The following KCNIP4 variants were observed in gnomAD, a reference collection of about 807,000 sequenced individuals.
The protein encoded by KCNIP4 is potassium voltage-gated channel interacting protein 4.
In KCNIP4, 12 loss-of-function variants were observed where a neutral mutation model predicts 34.0. The ratio of observed to expected loss-of-function variants is 0.35; its 90% CI spans 0.23 to 0.57. KCNIP4 has a LOEUF of 0.57. Ranked by LOEUF, KCNIP4 falls within the 20% of genes least tolerant of loss-of-function variation. The probability of loss-of-function intolerance (pLI) is 0.83; values close to 1 mark genes in which losing one functional copy is unlikely to be tolerated. For missense variants in KCNIP4, 238 were observed against 311.7 expected (o/e 0.76, Z 1.78); for synonymous variants, 124 against 102.2 (o/e 1.21, Z -1.29).
chr4:21,158,983 A>C (rs1753374063), intron 1 of KCNIP4, among the ~76,000 whole-genome samples: 2 of 152,176 alleles, frequency 1.3e-5, no homozygotes, highest in African/African-American at 4.8e-5. Context: ...TATTATTTAT[A>C]ATAGCTTCAT....
chr4:20,731,920 C>T lies in KCNIP4; in HGVS notation c.705+86G>A, dbSNP rs553067640. 2.1e-4 allele frequency: 330 copies of T among 1,561,984 alleles called. 1 individual carries two copies. The highest frequency in any genetic ancestry group is 4.5e-4 in the Middle Eastern group (2 of 4,408). ...ACTTAGGCATATGATCTCTATATTT[C>T]GCCCAGTTCATGGTAGCTAGCTGCT... On this transcript the variant is annotated intron_variant, in intron 8 of 8. Coordinates refer to ENST00000382152, the MANE Select transcript of KCNIP4 (RefSeq NM_025221.6).
At chr4:21,049,417 G>A (rs975137593) in intron 1 of KCNIP4, among the ~76,000 whole-genome samples, 4 of 152,072 alleles carry the variant, frequency 2.6e-5, no homozygotes, top group Non-Finnish European at 4.4e-5. Flanking sequence ...ATAGATAATT[G>A]GACTAATATT....
At chr4:21,705,256 G>T (rs138514096) in intron 1 of KCNIP4, among the ~76,000 whole-genome samples, 1,850 of 152,180 alleles carry the variant, frequency 0.012, 47 homozygotes, top group African/African-American at 0.042. Context: ...GTGCAACACG[G>T]CAGATCCTTG....
intron 1 of KCNIP4, among the ~76,000 whole-genome samples, chr4:21,015,592 A>G (rs1349774192): frequency 7.7e-6 from 1 of 129,388 alleles, no homozygotes; most frequent in Non-Finnish European, 1.5e-5. Context: ...AATATAATAT[A>G]GTATATTGTA....
intron 1 of KCNIP4, among the ~76,000 whole-genome samples, chr4:21,413,374 A>G (rs1450782704): frequency 6.6e-6 from 1 of 152,162 alleles, no homozygotes; most frequent in Non-Finnish European, 1.5e-5. Flanking sequence ...GTTTTTAGCT[A>G]CATGAACCAA....
intron 1 of KCNIP4, among the ~76,000 whole-genome samples, chr4:21,341,222 C>G (rs1016241784): frequency 6.6e-6 from 1 of 152,092 alleles, no homozygotes; most frequent in African/African-American, 2.4e-5. Context: ...CCTGCAGACA[C>G]CTTTCTTTAA....
At chr4:21,945,319 G>A (rs543982070) in intron 1 of KCNIP4, among the ~76,000 whole-genome samples, 2 of 152,148 alleles carry the variant, frequency 1.3e-5, no homozygotes, top group African/African-American at 2.4e-5. Context: ...CCTGGGGAGA[G>A]AGGGTGGCTG....
intron 1 of KCNIP4, among the ~76,000 whole-genome samples, chr4:21,209,802 C>T (rs749523863): frequency 1.8e-4 from 27 of 152,090 alleles, no homozygotes; most frequent in Non-Finnish European, 3.2e-4. Context: ...TATTTAGGTT[C>T]GTGATAACTG....
chr4:21,569,625 G>T (rs1009516362), intron 1 of KCNIP4, among the ~76,000 whole-genome samples: 2 of 152,092 alleles, frequency 1.3e-5, no homozygotes, highest in Admixed American at 6.6e-5. Flanking sequence ...CATTTGAGAA[G>T]AAACTTGAAG....
At chr4:21,810,560 G>A (rs1721577659) in intron 1 of KCNIP4, among the ~76,000 whole-genome samples, 1 of 151,956 alleles carries the variant, frequency 6.6e-6, no homozygotes, top group Admixed American at 6.6e-5. Flanking sequence ...CATAGGGGCG[G>A]GCACCTGTAA....
At chr4:21,897,489 T>C (rs1201808605) in intron 1 of KCNIP4, among the ~76,000 whole-genome samples, 1 of 152,176 alleles carries the variant, frequency 6.6e-6, no homozygotes, top group Non-Finnish European at 1.5e-5. Context: ...TTTGACCTAG[T>C]CATAATTCAG....
chr4:21,334,322 C>CA (rs560409973), intron 1 of KCNIP4, among the ~76,000 whole-genome samples: 2 of 151,650 alleles, frequency 1.3e-5, no homozygotes, highest in Admixed American at 6.6e-5. Flanking sequence ...CTAAGATCTC[C>CA]AAAAAAATAA....
At chr4:21,436,265 G>A (rs1577356843) in intron 1 of KCNIP4, among the ~76,000 whole-genome samples, 3 of 152,234 alleles carry the variant, frequency 2.0e-5, no homozygotes, top group East Asian at 3.9e-4. Flanking sequence ...AAACACCTGA[G>A]CCTTCCTTTC....
chr4:20,816,253 C>CAAA (rs534519786), intron 3 of KCNIP4, among the ~76,000 whole-genome samples: 2 of 84,620 alleles, frequency 2.4e-5, no homozygotes, highest in Admixed American at 1.3e-4. Context: ...GACTCCATCT[C>CAAA]AAAAAAAAAA....
intron 1 of KCNIP4, among the ~76,000 whole-genome samples, chr4:21,525,689 C>G (rs34807377): frequency 0.36 from 54,591 of 151,856 alleles, 10,574 homozygotes; most frequent in East Asian, 0.67. Flanking sequence ...TCCTATTCTT[C>G]TGGTTGTTTT....
At position 21,253,248 on chromosome 4, in the gene KCNIP4, A is replaced by C. The variant is rs77994941; in HGVS notation, c.62-370539T>G. Among the ~76,000 whole-genome samples, 1,056 of 152,284 alleles carry C rather than the reference A, an allele frequency of 6.9e-3. 47 individuals are homozygous for C. In the East Asian group the frequency reaches 0.15, roughly 21 times the overall value. ...TTATACTCCTTCTCAGATCACTGTGAGGGGTCTCTGAGGCTCATTTTTGGC... is the reference window on the plus strand; with the variant it reads ...TTATACTCCTTCTCAGATCACTGTGCGGGGTCTCTGAGGCTCATTTTTGGC... On this transcript the variant is annotated intron_variant, in intron 1 of 8. Transcript: ENST00000382152.
rs1747438315 is a variant in KCNIP4 at position 20,729,732 on chromosome 4, T to A, written c.*350A>T. 1 of 186,862 alleles carries A rather than the reference T, an allele frequency of 5.4e-6. No homozygotes were observed. Among genetic ancestry groups the A allele is most frequent in the Admixed American group, 6.1e-5 (1 of 16,506 alleles). The allele number at this position is 186,862 out of a possible 1,614,324, so 11.6% of individuals were successfully genotyped here. On this transcript the variant is annotated 3_prime_UTR_variant, in exon 9 of 9. Coordinates refer to ENST00000382152, the MANE Select transcript of KCNIP4 (RefSeq NM_025221.6). ...AATCCTAGGACTGAATACATACAAA[T>A]GAGTAGCAAAAAACACTGATATTTT...
intron 1 of KCNIP4, among the ~76,000 whole-genome samples, chr4:21,918,955 C>T (rs903209008): frequency 1.3e-5 from 2 of 152,108 alleles, no homozygotes; most frequent in Non-Finnish European, 2.9e-5. Context: ...GAAGTATATC[C>T]TTACCTATAA....
intron 1 of KCNIP4, among the ~76,000 whole-genome samples, chr4:20,937,207 G>T (rs1456777172): frequency 7.0e-6 from 1 of 143,154 alleles, no homozygotes; most frequent in Non-Finnish European, 1.5e-5. Context: ...TGAGCAAAAG[G>T]TGCCCCCAAG....
Sources: allele counts gnomAD v4.1 joint callset (sites outside exome capture counted in the v4.1 genomes callset), GRCh38; gene constraint gnomAD v4.1.1; transcripts MANE v1.5; gene names NCBI Gene and HGNC (gene_info 2026-07-23, HGNC 2026-07-21).